The following DCLK1 variants were observed in gnomAD, a reference collection of about 807,000 sequenced individuals.
DCLK1 encodes the protein doublecortin like kinase 1, also known as serine/threonine-protein kinase DCLK1.
Under a neutral mutation model 86.2 loss-of-function variants are expected in DCLK1, and 16 were observed. That is an observed-to-expected ratio of 0.19 (90% confidence interval 0.13 to 0.28). DCLK1 has a LOEUF of 0.28. Ranked by LOEUF, DCLK1 falls within the 10% of genes least tolerant of loss-of-function variation. The probability of loss-of-function intolerance (pLI) is 1.00; values close to 1 mark genes in which losing one functional copy is unlikely to be tolerated. For synonymous variants in DCLK1, 369 were observed against 370.5 expected (o/e 1.00, Z 0.05); for missense variants, 590 against 940.2 (o/e 0.63, Z 4.87).
chr13:35,906,359 C>T (rs901033786), intron 4 of DCLK1, among the ~76,000 whole-genome samples: 8 of 150,426 alleles, frequency 5.3e-5, no homozygotes, highest in Admixed American at 4.6e-4. Context: ...ATAGCAAAGC[C>T]TAACAATGTC....
intron 4 of DCLK1, among the ~76,000 whole-genome samples, chr13:35,878,701 C>A (rs1872719098): frequency 6.6e-6 from 1 of 151,846 alleles, no homozygotes; most frequent in Non-Finnish European, 1.5e-5. Flanking sequence ...CCCCATTTAC[C>A]CTGATGTGAT....
chr13:35,899,229 A>G (rs1184040), intron 4 of DCLK1, among the ~76,000 whole-genome samples: 23,933 of 152,034 alleles, frequency 0.16, 2,299 homozygotes, highest in East Asian at 0.27. Context: ...AGCGTCATTG[A>G]TCCCAATCAT....
chr13:35,870,043 T>C (rs528646823), intron 5 of DCLK1, among the ~76,000 whole-genome samples: 1 of 152,186 alleles, frequency 6.6e-6, no homozygotes, highest in Non-Finnish European at 1.5e-5. Context: ...CCTATCTACA[T>C]GAGCAGTGTC....
intron 3 of DCLK1, among the ~76,000 whole-genome samples, chr13:36,001,515 T>A (rs1313756250): frequency 6.6e-6 from 1 of 152,088 alleles, no homozygotes; most frequent in Admixed American, 6.5e-5. Flanking sequence ...GGTCCCCTTC[T>A]TCCTGACCTT....
At chr13:35,792,909 G>A (rs995574608) in intron 16 of DCLK1, among the ~76,000 whole-genome samples, 9 of 152,172 alleles carry the variant, frequency 5.9e-5, no homozygotes, top group Non-Finnish European at 1.2e-4. Flanking sequence ...ATCTCACTGC[G>A]TAGCTTTCTG....
intron 11 of DCLK1, among the ~76,000 whole-genome samples, chr13:35,815,557 C>G (rs1044105456): frequency 6.6e-6 from 1 of 152,048 alleles, no homozygotes; most frequent in Admixed American, 6.5e-5. Context: ...TAGAATTGAA[C>G]AAAAGTGGCA....
intron 15 of DCLK1, among the ~76,000 whole-genome samples, chr13:35,798,011 G>A (rs2086846276): frequency 6.6e-6 from 1 of 152,188 alleles, no homozygotes; most frequent in Admixed American, 6.5e-5. Flanking sequence ...GTTCTGGTTT[G>A]GTGGTAGTTT....
intron 10 of DCLK1, 132 bp downstream of exon 10, chr13:35,827,503 T>A: frequency 9.0e-7 from 1 of 1,114,772 alleles, no homozygotes; most frequent in Non-Finnish European, 1.3e-6. Flanking sequence ...CCTGTGAACA[T>A]TCCTAATCAC....
intron 6 of DCLK1, among the ~76,000 whole-genome samples, chr13:35,840,394 C>A (rs1167343118): frequency 6.6e-6 from 1 of 152,212 alleles, no homozygotes; most frequent in Non-Finnish European, 1.5e-5. Context: ...CCATCTAAGT[C>A]AAACATCACA....
At chr13:35,991,900 A>C (rs1427979888) in intron 3 of DCLK1, among the ~76,000 whole-genome samples, 1 of 152,136 alleles carries the variant, frequency 6.6e-6, no homozygotes, top group Non-Finnish European at 1.5e-5. Context: ...TGCTAGGAAG[A>C]TCTTATACAC....
intron 5 of DCLK1, among the ~76,000 whole-genome samples, chr13:35,861,996 G>A (rs188601588): frequency 0.013 from 1,662 of 128,126 alleles, 12 homozygotes; most frequent in Middle Eastern, 0.038. Flanking sequence ...TGCGCCCACC[G>A]CACTCCAGCC....
At chr13:36,121,442 A>G (rs1269823090) in intron 2 of DCLK1, among the ~76,000 whole-genome samples, 1 of 152,222 alleles carries the variant, frequency 6.6e-6, no homozygotes, top group African/African-American at 2.4e-5. Flanking sequence ...CTCTCACGCC[A>G]TCTTGCTTCT....
In DCLK1 at chr13:36,063,635, G is replaced by A. The variant is rs564701095; in HGVS notation, c.723+48234C>T. ...TGCCAGACCACTCACCTTTTTGCTA[G>A]ATGGGAATTAGGGAAATGGTCAGAA... On this transcript the variant is annotated intron_variant, in intron 3 of 16. Transcript: ENST00000360631. 4.6e-5 allele frequency among the ~76,000 whole-genome samples: 7 copies of A among 152,270 alleles called. No homozygotes were observed. The East Asian group carries it at 1.4e-3, about 29-fold the overall frequency.
chr13:35,877,103 A>G (rs1254404377), intron 4 of DCLK1, among the ~76,000 whole-genome samples: 2 of 152,116 alleles, frequency 1.3e-5, no homozygotes, highest in African/African-American at 4.8e-5. Flanking sequence ...CTGAGGTGAA[A>G]AGTATCATTC....
At chr13:35,904,684 G>A (rs1270579256) in intron 4 of DCLK1, among the ~76,000 whole-genome samples, 1 of 152,188 alleles carries the variant, frequency 6.6e-6, no homozygotes, top group Non-Finnish European at 1.5e-5. Context: ...GTCCTTGGGA[G>A]AGCCAGAAAG....
chr13:36,033,025 A>G (rs1214736770), intron 3 of DCLK1, among the ~76,000 whole-genome samples: 1 of 152,206 alleles, frequency 6.6e-6, no homozygotes, highest in Admixed American at 6.5e-5. Context: ...TTTCCCATAA[A>G]CAACAGGACT....
intron 15 of DCLK1, among the ~76,000 whole-genome samples, chr13:35,793,852 AT>A (rs1018628603): frequency 2.6e-5 from 4 of 151,682 alleles, no homozygotes; most frequent in Admixed American, 6.6e-5. Context: ...CTTCTTTTTA[AT>A]TTTTTTTTCC....
chr13:35,792,263 T>C (rs1395612712), intron 16 of DCLK1, among the ~76,000 whole-genome samples: 1 of 152,150 alleles, frequency 6.6e-6, no homozygotes, highest in Non-Finnish European at 1.5e-5. Flanking sequence ...AGGGTGTGTA[T>C]GCATGCATTC....
intron 11 of DCLK1, among the ~76,000 whole-genome samples, chr13:35,817,567 A>G (rs886663798): frequency 4.6e-5 from 7 of 152,260 alleles, no homozygotes; most frequent in African/African-American, 1.4e-4. Context: ...ATGCTGTCAT[A>G]TACAGTACAA....
Sources: allele counts gnomAD v4.1 joint callset (sites outside exome capture counted in the v4.1 genomes callset), GRCh38; gene constraint gnomAD v4.1.1; transcripts MANE v1.5; gene names NCBI Gene and HGNC (gene_info 2026-07-23, HGNC 2026-07-21).